UBXN8: variants seen among roughly 807,000 people sequenced by gnomAD.
UBXN8 encodes the protein UBX domain protein 8.
Under a neutral mutation model 32.1 loss-of-function variants are expected in UBXN8, and 27 were observed. The ratio of observed to expected loss-of-function variants is 0.84; its 90% CI spans 0.62 to 1.16. The LOEUF is 1.16. Ranked by LOEUF, UBXN8 falls within the 50% of genes most tolerant of loss-of-function variation. The pLI, the probability that UBXN8 is intolerant of heterozygous loss-of-function variation, is 0.00. For synonymous variants in UBXN8, 109 were observed against 111.8 expected (o/e 0.98, Z 0.16); for missense variants, 306 against 311.4 (o/e 0.98, Z 0.13).
At chr8:30,749,837 C>T (rs1238822787) in intron 1 of UBXN8, among the ~76,000 whole-genome samples, 1 of 152,038 alleles carries the variant, frequency 6.6e-6, no homozygotes, top group African/African-American at 2.4e-5. Flanking sequence ...GATCTCCTGA[C>T]CTCTGATCTG....
intron 1 of UBXN8, among the ~76,000 whole-genome samples, chr8:30,751,065 T>C (rs1586096952): frequency 6.6e-6 from 1 of 152,196 alleles, no homozygotes; most frequent in East Asian, 1.9e-4. Flanking sequence ...CATCCGTGGA[T>C]TTTGGTATAC....
chr8:30,746,446 A>T (rs1433142231), intron 1 of UBXN8, among the ~76,000 whole-genome samples: 1 of 151,228 alleles, frequency 6.6e-6, no homozygotes, highest in Admixed American at 6.6e-5. Context: ...ATATTGAAAA[A>T]CTAGCCTTGT....
intron 1 of UBXN8, among the ~76,000 whole-genome samples, chr8:30,735,388 C>T (rs1426321757): frequency 1.4e-5 from 2 of 141,306 alleles, no homozygotes; most frequent in Admixed American, 6.9e-5. Context: ...AGGAAAACCC[C>T]GTCTCTACTA....
Position 30,751,474 on chromosome 8 carries a change from C to G in UBXN8, c.167C>G (p.Thr56Ser). 6.2e-7 allele frequency: 1 copy of G among 1,611,056 alleles called. No individual in the cohort carries two copies. The highest frequency in any genetic ancestry group is 1.1e-5 in the South Asian group (1 of 90,422). The change falls in exon 2 of 8, where the codon ACC becomes AGC. Residue 56 changes from threonine to serine, a missense_variant. Thr to Ser is a moderately conservative substitution (Grantham distance 58). Coordinates refer to ENST00000265616, the MANE Select transcript of UBXN8 (RefSeq NM_005671.4). Reference protein sequence around the residue: ...ALLTLTISVTTSWLNSFKSPQ... With the variant: ...ALLTLTISVTSSWLNSFKSPQ... ...CTTACTTTAACTATTTCTGTGACTA[C>G]CTCATGGCTTAACTCATTTAAATCT...
intron 2 of UBXN8, 64 bp from the exon 3 acceptor site, chr8:30,752,971 A>G (rs1805553383): frequency 2.1e-6 from 3 of 1,442,154 alleles, no homozygotes; most frequent in Non-Finnish European, 2.7e-6. Context: ...ACATTATTTG[A>G]TTGGTTGTAC....
At chr8:30,745,636 CTG>C (rs551891969) in intron 1 of UBXN8, among the ~76,000 whole-genome samples, 113 of 152,360 alleles carry the variant, frequency 7.4e-4, no homozygotes, top group African/African-American at 2.6e-3. Flanking sequence ...CTCACTCAAG[CTG>C]TGTTGGAATA....
chr8:30,756,879 T>G lies in UBXN8; in HGVS notation c.520T>G (p.Cys174Gly), dbSNP rs746374130. 4 of 1,613,952 alleles carry G rather than the reference T, an allele frequency of 2.5e-6. No individual in the cohort carries two copies. The highest frequency in any genetic ancestry group is 3.4e-6 in the Non-Finnish European group (4 of 1,179,880). ...EFPSPAEQPTCKEIPDLPEEP... is the reference protein window; with the variant it reads ...EFPSPAEQPTGKEIPDLPEEP... ...TCCGTCTCCTGCTGAACAGCCCACA[T>G]GCAAGGAGGTAAAGTACTTCATGCC... Residue 174 changes from cysteine to glycine, a missense_variant, in exon 5 of 8, where the codon TGC becomes GGC. Physicochemically the swap from Cys to Gly is radical, Grantham distance 159. Transcript: ENST00000265616.
At chr8:30,741,488 A>ACTCTACTG (rs1563556364), upstream of UBXN8, among the ~76,000 whole-genome samples, 1 of 130,072 alleles carries the variant, frequency 7.7e-6, no homozygotes, top group African/African-American at 3.1e-5. Context: ...ACTGAGTCTC[A>ACTCTACTG]CTCTATTGCC....
intron 7 of UBXN8, among the ~76,000 whole-genome samples, chr8:30,764,911 G>A (rs1312874453): frequency 4.6e-5 from 7 of 151,972 alleles, no homozygotes; most frequent in African/African-American, 1.2e-4. Context: ...TTAGCCGGAC[G>A]TGGTGGTGCG....
At chr8:30,737,807 A>C (rs529042280) in intron 1 of UBXN8, among the ~76,000 whole-genome samples, 10 of 152,090 alleles carry the variant, frequency 6.6e-5, no homozygotes, top group Non-Finnish European at 1.5e-4. Flanking sequence ...GTGATTGTAC[A>C]ACCACACTGC....
Position 30,756,835 on chromosome 8 carries a change from C to G in UBXN8, c.476C>G (p.Pro159Arg), listed in dbSNP as rs1563563567. The change falls in exon 5 of 8, where the codon CCT becomes CGT. Residue 159 changes from proline to arginine, a missense_variant. Pro to Arg is a moderately radical substitution (Grantham distance 103, BLOSUM62 -2). Coordinates refer to ENST00000265616, the MANE Select transcript of UBXN8 (RefSeq NM_005671.4). ...GAAGCAGCAAAGAGCCAGAACTTGC[C>G]TAAACCTTTAACTGAATTTCCGTCT... ...NREAAKSQNL[P>R]KPLTEFPSPA... The G allele has an allele frequency of 2.5e-6, 4 of 1,614,000 alleles. No homozygotes were observed. Among genetic ancestry groups the G allele is most frequent in the Middle Eastern group, 1.6e-4 (1 of 6,062 alleles).
Position 30,756,917 on chromosome 8 carries a change from G to T in UBXN8, c.528+30G>T, listed in dbSNP as rs766655930. 8 of 1,612,882 alleles carry T rather than the reference G, an allele frequency of 5.0e-6. No homozygotes were observed. In the East Asian group the frequency reaches 1.3e-4, roughly 27 times the overall value. On this transcript the variant is annotated intron_variant, in intron 5 of 7. Transcript: ENST00000265616. ...AGTACTTCATGCCTCTCATTGAATTGTGTCTGTGTGCAGTAGGAGTATTGA... is the reference window on the plus strand; with the variant it reads ...AGTACTTCATGCCTCTCATTGAATTTTGTCTGTGTGCAGTAGGAGTATTGA...
rs1252167804 is a variant in UBXN8, at chr8:30,763,256, G to A, written c.571-17G>A. ...GAGCAATGGATCGGAGTTCTTATGT[G>A]AATATTTCTTCCTTAGGTAGTTACT... On this transcript the variant is annotated splice_polypyrimidine_tract_variant and intron_variant, in intron 6 of 7. Coordinates refer to ENST00000265616, the MANE Select transcript of UBXN8 (RefSeq NM_005671.4). 6.2e-7 allele frequency: 1 copy of A among 1,612,912 alleles called. No homozygotes were observed. The highest frequency in any genetic ancestry group is 8.5e-7 in the Non-Finnish European group (1 of 1,179,050).
chr8:30,752,357 T>A (rs1212061685), intron 2 of UBXN8, among the ~76,000 whole-genome samples: 1 of 152,066 alleles, frequency 6.6e-6, no homozygotes, highest in East Asian at 1.9e-4. Flanking sequence ...TCACCCAGGC[T>A]GGAATGCAGT....
chr8:30,758,267 A>T (rs972152334), intron 5 of UBXN8, among the ~76,000 whole-genome samples: 1 of 152,252 alleles, frequency 6.6e-6, no homozygotes, highest in Admixed American at 6.5e-5. Context: ...GAAGGGAAGC[A>T]TTCCTATTAA....
In UBXN8 at chr8:30,744,263, G is replaced by C; in HGVS notation, c.74G>C (p.Gly25Ala). 1 of 1,613,660 alleles carries C rather than the reference G, an allele frequency of 6.2e-7. No individual in the cohort carries two copies. The highest frequency in any genetic ancestry group is 8.5e-7 in the Non-Finnish European group (1 of 1,179,780). ...VPLVCLELRR[G>A]IPDIGIKDFL... ...CTTGTGTGTCTGGAGCTCCGGCGTG[G>C]GATCCCGGATATAGGTAAGTGTGAC... is the stretch of plus-strand genomic sequence containing the variant. Residue 25 changes from glycine to alanine, a missense_variant, in exon 1 of 8, where the codon GGG becomes GCG. Physicochemically the swap from Gly to Ala is moderately conservative, Grantham distance 60. Coordinates refer to ENST00000265616, the MANE Select transcript of UBXN8 (RefSeq NM_005671.4).
intron 5 of UBXN8, among the ~76,000 whole-genome samples, chr8:30,760,132 G>A (rs1413229674): frequency 6.8e-6 from 1 of 146,114 alleles, no homozygotes; most frequent in African/African-American, 2.5e-5. Context: ...CACAACCTCA[G>A]CTCACTGCAA....
In UBXN8 at chr8:30,744,219, C is replaced by T. The variant is rs1412095522; in HGVS notation, c.30C>T (p.Phe10=). The change falls in exon 1 of 8, where the codon TTC becomes TTT. Residue 10 remains phenylalanine (F), a synonymous_variant. Coordinates refer to ENST00000265616, the MANE Select transcript of UBXN8 (RefSeq NM_005671.4). The stretch of plus-strand genomic sequence containing the variant: ...CTTCACGTGGGGTTGTTGGCATTTT[C>T]TTCCTCTCTGCTGTCCCCCTTGTGT... MASRGVVGI[F]FLSAVPLVCL... The T allele has an allele frequency of 6.2e-7, 1 of 1,613,856 alleles. No homozygotes were observed. The highest frequency in any genetic ancestry group is 1.1e-5 in the South Asian group (1 of 90,992).
Position 30,754,729 on chromosome 8 carries a change from A to T in UBXN8, c.347A>T (p.Glu116Val), listed in dbSNP as rs772842848. Residue 116 changes from glutamate to valine, a missense_variant, in exon 4 of 8, where the codon GAG becomes GTG. Physicochemically the swap from Glu to Val is moderately radical, Grantham distance 121 (BLOSUM62 -2). Coordinates refer to ENST00000265616, the MANE Select transcript of UBXN8 (RefSeq NM_005671.4). ...HQEMKLRKLE[E>V]RFYQMTGEAW... ...GAAATGAAATTGAGAAAACTGGAGG[A>T]GCGCTTTTATCAAATGACGGGTGAA... 1.8e-5 allele frequency: 28 copies of T among 1,566,178 alleles called. No homozygotes were observed. The highest frequency in any genetic ancestry group is 2.4e-5 in the Non-Finnish European group (28 of 1,165,762).
Sources: gnomAD v4.1 joint callset for allele counts (sites outside exome capture counted in the v4.1 genomes callset) on GRCh38, gnomAD v4.1.1 for gene constraint, MANE v1.5 for transcripts, NCBI Gene and HGNC (gene_info 2026-07-23, HGNC 2026-07-21) for gene names.